Variants in PDS5A observed in about 807,000 individuals in gnomAD.
PDS5A encodes the protein PDS5 cohesin associated factor A.
PDS5A carries 42 observed loss-of-function variants against 167.1 expected under a neutral mutation model. The observed-to-expected ratio is 0.25, with a 90% confidence interval of 0.20 to 0.33. The LOEUF (loss-of-function observed/expected upper bound fraction) is 0.33, where lower values mean the gene tolerates loss of function less well. Among genes scored for constraint, PDS5A ranks in the 10% least tolerant of loss-of-function variants. The pLI is 1.00. For synonymous variants in PDS5A, 553 were observed against 554.6 expected (o/e 1.00, Z 0.04); for missense variants, 1,033 against 1,605.9 (o/e 0.64, Z 6.10).
intron 17 of PDS5A, among the ~76,000 whole-genome samples, chr4:39,880,982 T>C (rs1293597859): frequency 1.3e-5 from 2 of 152,112 alleles, no homozygotes; most frequent in African/African-American, 4.8e-5. Flanking sequence ...TCTTGTTTCC[T>C]CTGTTCTGTT....
chr4:39,965,539 T>A (rs1729893059), intron 2 of PDS5A, among the ~76,000 whole-genome samples: 1 of 152,208 alleles, frequency 6.6e-6, no homozygotes, highest in East Asian at 1.9e-4. Context: ...ATGTGGTACA[T>A]ACATACAATG....
intron 26 of PDS5A, among the ~76,000 whole-genome samples, chr4:39,854,700 T>C (rs1342036659): frequency 6.6e-6 from 1 of 152,206 alleles, no homozygotes; most frequent in Non-Finnish European, 1.5e-5. Flanking sequence ...TCATCTTCCA[T>C]TAGATTGTAA....
At chr4:39,970,574 T>C (rs746693997) in intron 2 of PDS5A, among the ~76,000 whole-genome samples, 9 of 151,766 alleles carry the variant, frequency 5.9e-5, no homozygotes, top group Non-Finnish European at 8.8e-5. Context: ...TTAGTTTAGA[T>C]TCCTTAGAAG....
At chr4:39,974,224 C>A (rs994104738) in intron 2 of PDS5A, 2 of 566,010 alleles carry the variant, frequency 3.5e-6, no homozygotes, top group Non-Finnish European at 3.6e-6. Context: ...CTCATCCATT[C>A]CAATATGCCA....
At position 39,844,783 on chromosome 4, in the gene PDS5A, G is replaced by T; in HGVS notation, c.3421C>A (p.Leu1141Ile). 6.2e-7 allele frequency: 1 copy of T among 1,607,384 alleles called. No individual in the cohort carries two copies. Among genetic ancestry groups the T allele is most frequent in the Non-Finnish European group, 8.5e-7 (1 of 1,178,278 alleles). The stretch of plus-strand genomic sequence containing the variant: ...GATAAAGGCTTATTTACTGCACCTA[G>T]TACTCCAGCAGGCTTTGGCTAAAAA... ...LTGKPKPAGV[L>I]GAVNKPLSAT... The change falls in exon 30 of 33, where the codon CTA (leucine) becomes ATA (isoleucine). Residue 1141 changes from leucine to isoleucine, a missense_variant. Leu to Ile is a conservative substitution (Grantham distance 5, BLOSUM62 2). Coordinates refer to ENST00000303538, the MANE Select transcript of PDS5A (RefSeq NM_001100399.2).
chr4:39,840,281 G>T (rs1426771725), intron 31 of PDS5A, among the ~76,000 whole-genome samples: 1 of 152,196 alleles, frequency 6.6e-6, no homozygotes, highest in African/African-American at 2.4e-5. Flanking sequence ...AAGAAATTGG[G>T]TTGGGCATGG....
intron 19 of PDS5A, 31 bp downstream of exon 19, chr4:39,876,962 G>A: frequency 6.5e-7 from 1 of 1,539,958 alleles, no homozygotes; most frequent in East Asian, 2.3e-5. Context: ...AGAAACTTTT[G>A]TATTTACCAC....
chr4:39,931,364 C>T (rs750250106), intron 2 of PDS5A, among the ~76,000 whole-genome samples: 3 of 151,888 alleles, frequency 2.0e-5, no homozygotes, highest in Non-Finnish European at 2.9e-5. Flanking sequence ...AAACTCAGTG[C>T]CTTAAAACAA....
At chr4:39,852,159 C>G (rs1481158328) in intron 26 of PDS5A, among the ~76,000 whole-genome samples, 1 of 152,018 alleles carries the variant, frequency 6.6e-6, no homozygotes, top group Non-Finnish European at 1.5e-5. Context: ...CTAACATGAA[C>G]CAATTGACTC....
intron 16 of PDS5A, among the ~76,000 whole-genome samples, chr4:39,896,025 G>A (rs75812079): frequency 1.5e-5 from 2 of 133,836 alleles, no homozygotes; most frequent in Non-Finnish European, 1.7e-5. Flanking sequence ...CACCTGGCCC[G>A]GTTTTTTTTT....
At chr4:39,839,728 A>T (rs1716773681) in intron 31 of PDS5A, among the ~76,000 whole-genome samples, 1 of 135,912 alleles carries the variant, frequency 7.4e-6, no homozygotes, top group Non-Finnish European at 1.6e-5. Flanking sequence ...AGCAATAAAA[A>T]GATAAGCACT....
intron 32 of PDS5A, among the ~76,000 whole-genome samples, chr4:39,829,950 C>CAAAAAAAAAAAAAAAAAAAAAAA (rs1158287221): frequency 5.9e-5 from 4 of 67,296 alleles, no homozygotes; most frequent in Non-Finnish European, 9.3e-5. Flanking sequence ...GACTCCAACT[C>CAAAAAAAAAAAAAAAAAAAAAAA]AAAAAAAAAA....
At chr4:39,838,492 C>T (rs895268075) in intron 31 of PDS5A, among the ~76,000 whole-genome samples, 2 of 152,124 alleles carry the variant, frequency 1.3e-5, no homozygotes, top group African/African-American at 4.8e-5. Flanking sequence ...GAGGCTAAAG[C>T]GGGAGGATCG....
Position 39,949,464 on chromosome 4 carries a change from G to C in PDS5A, c.139-21300C>G, listed in dbSNP as rs562728595. The stretch of plus-strand genomic sequence containing the variant: ...CAAAAAGTAGGTTAGTGATTCCTTA[G>C]GACTGTGGGGAGGAATATGAGGGTA... On this transcript the variant is annotated intron_variant, in intron 2 of 32. Transcript: ENST00000303538. Among the ~76,000 whole-genome samples the C allele has an allele frequency of 2.0e-5, 3 of 151,938 alleles. No homozygotes were observed. In the East Asian group the frequency reaches 5.8e-4, roughly 29 times the overall value.
intron 6 of PDS5A, among the ~76,000 whole-genome samples, chr4:39,920,929 T>C (rs531066827): frequency 1.3e-5 from 2 of 152,350 alleles, no homozygotes; most frequent in South Asian, 4.1e-4. Flanking sequence ...TGTACTCAAA[T>C]AAATTAAAGG....
chr4:39,967,210 C>T (rs1730057315), intron 2 of PDS5A, among the ~76,000 whole-genome samples: 1 of 151,772 alleles, frequency 6.6e-6, no homozygotes, highest in Admixed American at 6.6e-5. Context: ...GAGGCTGAAG[C>T]AGGAGAATTG....
chr4:39,853,380 A>G (rs1718278410), intron 26 of PDS5A, among the ~76,000 whole-genome samples: 1 of 152,212 alleles, frequency 6.6e-6, no homozygotes, highest in South Asian at 2.1e-4. Context: ...TATAAATTTA[A>G]AATTTTTAGC....
At chr4:39,913,589 T>A in intron 9 of PDS5A, 22 bp downstream of exon 9, 5 of 1,281,620 alleles carry the variant, frequency 3.9e-6, no homozygotes, top group Non-Finnish European at 5.7e-6. Context: ...AATATAAACA[T>A]CAGAATTATA....
At chr4:39,899,186 AAAAAATTAACT>A (rs1280800566) in intron 14 of PDS5A, among the ~76,000 whole-genome samples, 8 of 152,316 alleles carry the variant, frequency 5.3e-5, no homozygotes, top group African/African-American at 1.9e-4. Context: ...TACATGCCAC[AAAAAATTAACT>A]AAAAATATAG....
Sources: allele counts gnomAD v4.1 joint callset (sites outside exome capture counted in the v4.1 genomes callset), GRCh38; gene constraint gnomAD v4.1.1; transcripts MANE v1.5; gene names NCBI Gene and HGNC (gene_info 2026-07-23, HGNC 2026-07-21).